Variants in FBXL20 observed in about 807,000 individuals in gnomAD.
FBXL20 encodes F-box/LRR-repeat protein 20.
FBXL20 carries 11 observed loss-of-function variants against 64.0 expected under a neutral mutation model. That is an observed-to-expected ratio of 0.17 (90% confidence interval 0.11 to 0.28). FBXL20 has a LOEUF of 0.28. Ranked by LOEUF, FBXL20 falls within the 10% of genes least tolerant of loss-of-function variation. FBXL20 has a pLI of 1.00. For missense variants in FBXL20, 303 were observed against 526.2 expected (o/e 0.58, Z 4.15); for synonymous variants, 184 against 189.0 (o/e 0.97, Z 0.22).
At chr17:39,283,124 C>T (rs1221227993) in intron 7 of FBXL20, among the ~76,000 whole-genome samples, 1 of 152,138 alleles carries the variant, frequency 6.6e-6, no homozygotes, top group Admixed American at 6.6e-5. Context: ...TTGTACTTAT[C>T]ACATATCTCA....
chr17:39,401,442 G>A lies in FBXL20; in HGVS notation c.-40C>T, dbSNP rs1470322281. The A allele has an allele frequency of 6.4e-7, 1 of 1,566,244 alleles. No individual in the cohort carries two copies. The highest frequency in any genetic ancestry group is 8.6e-7 in the Non-Finnish European group (1 of 1,157,486). ...CGGCCCGGGCCGGGCGCTGCGGCGA[G>A]CGGAGTGCACAGACCGGGGGCCCAG... On this transcript the variant is annotated 5_prime_UTR_variant, in exon 1 of 15. Transcript: ENST00000264658.
At chr17:39,364,009 C>A (rs1227222650) in intron 1 of FBXL20, among the ~76,000 whole-genome samples, 1 of 150,932 alleles carries the variant, frequency 6.6e-6, no homozygotes, top group African/African-American at 2.4e-5. Flanking sequence ...CGTGCCTCAG[C>A]CTCCCGAGTA....
chr17:39,292,160 T>C (rs1454254392), intron 6 of FBXL20, among the ~76,000 whole-genome samples: 3 of 150,678 alleles, frequency 2.0e-5, no homozygotes, highest in Non-Finnish European at 4.4e-5. Flanking sequence ...AAGTCCTTAA[T>C]AGCTTTACTG....
At position 39,378,764 on chromosome 17, in the gene FBXL20, C is replaced by A. The variant is rs191406486; in HGVS notation, c.42+22597G>T. Among the ~76,000 whole-genome samples, 649 of 151,868 alleles carry A rather than the reference C, an allele frequency of 4.3e-3. 7 individuals carry two copies. Among genetic ancestry groups the A allele is most frequent in the African/African-American group, 0.015 (616 of 41,454 alleles). ...AGCTGGGATTACAGGCGCCCACCAC[C>A]ACGCCCAGCTAATTTTTGTATTTTT... On this transcript the variant is annotated intron_variant, in intron 1 of 14. Coordinates refer to ENST00000264658, the MANE Select transcript of FBXL20 (RefSeq NM_032875.3).
At position 39,282,771 on chromosome 17, in the gene FBXL20, G is replaced by A. The variant is rs1475090658; in HGVS notation, c.579C>T (p.Gly193=). The A allele has an allele frequency of 6.2e-7, 1 of 1,614,034 alleles. No homozygotes were observed. Among genetic ancestry groups the A allele is most frequent in the Non-Finnish European group, 8.5e-7 (1 of 1,179,992 alleles). Residue 193 remains glycine, a synonymous_variant, in exon 8 of 15, where the codon GGC becomes GGT. Coordinates refer to ENST00000264658, the MANE Select transcript of FBXL20 (RefSeq NM_032875.3). The part of the protein sequence containing the change: ...TKDGIQALVR[G]CGGLKALFLK... ...AGAATAAGGCCTTGAGACCCCCACA[G>A]CCCCTCACTAGTGCTTGAATGCCAT...
intron 1 of FBXL20, among the ~76,000 whole-genome samples, chr17:39,354,159 C>T (rs190271939): frequency 9.0e-4 from 137 of 152,292 alleles, no homozygotes; most frequent in African/African-American, 3.1e-3. Flanking sequence ...CCAAAAGCAT[C>T]TGTGTATAAA....
intron 1 of FBXL20, among the ~76,000 whole-genome samples, chr17:39,398,160 T>C (rs1174939457): frequency 6.6e-6 from 1 of 151,228 alleles, no homozygotes; most frequent in East Asian, 1.9e-4. Flanking sequence ...CAGGCGCCTG[T>C]AATCCCAGCT....
intron 1 of FBXL20, among the ~76,000 whole-genome samples, chr17:39,360,467 T>C (rs1489594224): frequency 1.3e-5 from 2 of 152,208 alleles, no homozygotes; most frequent in Non-Finnish European, 2.9e-5. Flanking sequence ...CAATATTTGA[T>C]GTGGTTCTGT....
chr17:39,283,912 G>GTTATC (rs2046968038), intron 7 of FBXL20, among the ~76,000 whole-genome samples: 1 of 119,884 alleles, frequency 8.3e-6, no homozygotes, highest in Non-Finnish European at 1.6e-5. Flanking sequence ...AGAAGATAAA[G>GTTATC]CCATGATATC....
At chr17:39,309,298 A>G (rs1597789146) in intron 2 of FBXL20, among the ~76,000 whole-genome samples, 1 of 152,198 alleles carries the variant, frequency 6.6e-6, no homozygotes, top group Non-Finnish European at 1.5e-5. Flanking sequence ...GTTATCGTCT[A>G]TAATTCAGAC....
chr17:39,384,509 G>C (rs1027029098), intron 1 of FBXL20, among the ~76,000 whole-genome samples: 1 of 150,774 alleles, frequency 6.6e-6, no homozygotes, highest in Non-Finnish European at 1.5e-5. Context: ...TGGAGGCAGA[G>C]CAAGAGTCCA....
At chr17:39,322,069 T>G (rs1224528474) in intron 2 of FBXL20, among the ~76,000 whole-genome samples, 1 of 147,838 alleles carries the variant, frequency 6.8e-6, no homozygotes, top group Non-Finnish European at 1.5e-5. Flanking sequence ...AGGCCGAGCA[T>G]GGTGGCTCAT....
At chr17:39,294,398 G>A (rs1344096766) in intron 6 of FBXL20, among the ~76,000 whole-genome samples, 17 of 151,898 alleles carry the variant, frequency 1.1e-4, no homozygotes, top group Admixed American at 1.1e-3. Flanking sequence ...TCCCACCTCA[G>A]CCTCCCAAGT....
chr17:39,270,896 T>C (rs1423959983), intron 10 of FBXL20, 40 bp from the exon 11 acceptor site: 3 of 1,514,054 alleles, frequency 2.0e-6, no homozygotes, highest in Non-Finnish European at 2.7e-6. Context: ...GTCAAGCTCT[T>C]GGTCCCTGAA....
At chr17:39,315,473 A>G (rs992313621) in intron 2 of FBXL20, among the ~76,000 whole-genome samples, 18 of 150,160 alleles carry the variant, frequency 1.2e-4, no homozygotes. Flanking sequence ...TCCTTTGTTG[A>G]AAGAGTCAGT....
chr17:39,300,850 T>G, intron 4 of FBXL20, 151 bp downstream of exon 4: 1 of 633,690 alleles, frequency 1.6e-6, no homozygotes, highest in Non-Finnish European at 2.6e-6. Context: ...CAGAAACCCT[T>G]GGTAACTTTG....
chr17:39,396,015 T>G (rs892218712), intron 1 of FBXL20, among the ~76,000 whole-genome samples: 2 of 150,740 alleles, frequency 1.3e-5, no homozygotes, highest in Admixed American at 6.6e-5. Context: ...GTGGGGTTTT[T>G]TTTTTTTTTT....
rs538110887 is a variant in FBXL20, at chr17:39,286,872, C to T, written c.399-1299G>A. Reference sequence around the variant, plus strand: ...CCAGGATTTTAAAGCCAATTCCACACATATCATTTTACCTGTAAATATTTC... The same window carrying T: ...CCAGGATTTTAAAGCCAATTCCACATATATCATTTTACCTGTAAATATTTC... On this transcript the variant is annotated intron_variant, in intron 6 of 14. Coordinates refer to ENST00000264658, the MANE Select transcript of FBXL20 (RefSeq NM_032875.3). Among the ~76,000 whole-genome samples the T allele has an allele frequency of 2.0e-5, 3 of 151,214 alleles. No individual in the cohort carries two copies. The East Asian group carries it at 5.8e-4, about 29-fold the overall frequency.
intron 1 of FBXL20, among the ~76,000 whole-genome samples, chr17:39,382,101 A>G (rs1192109015): frequency 6.6e-6 from 1 of 150,848 alleles, no homozygotes; most frequent in Non-Finnish European, 1.5e-5. Flanking sequence ...TCAAAAAAAA[A>G]AAAAAAAAAA....
Sources: allele counts gnomAD v4.1 joint callset (sites outside exome capture counted in the v4.1 genomes callset), GRCh38; gene constraint gnomAD v4.1.1; transcripts MANE v1.5; gene names NCBI Gene and HGNC (gene_info 2026-07-23, HGNC 2026-07-21).